The following GRM8 variants were observed in gnomAD, a reference collection of about 807,000 sequenced individuals.
The protein encoded by GRM8 is metabotropic glutamate receptor 8.
Under a neutral mutation model 87.2 loss-of-function variants are expected in GRM8, and 47 were observed. That is an observed-to-expected ratio of 0.54 (90% CI 0.43 to 0.69). The LOEUF (loss-of-function observed/expected upper bound fraction) is 0.69, where lower values mean the gene tolerates loss of function less well. Among genes scored for constraint, GRM8 ranks in the 30% least tolerant of loss-of-function variants. The pLI, the probability that GRM8 is intolerant of heterozygous loss-of-function variation, is 0.00. For missense variants in GRM8, 1,019 were observed against 1,139.2 expected (o/e 0.89, Z 1.52); for synonymous variants, 396 against 404.5 (o/e 0.98, Z 0.25).
At chr7:126,716,992 T>A (rs924031816) in intron 7 of GRM8, among the ~76,000 whole-genome samples, 1 of 152,090 alleles carries the variant, frequency 6.6e-6, no homozygotes, top group African/African-American at 2.4e-5. Context: ...AGGAACTACA[T>A]GAAAGATGAT....
intron 6 of GRM8, among the ~76,000 whole-genome samples, chr7:126,861,032 G>T (rs1798094413): frequency 6.6e-6 from 1 of 152,048 alleles, no homozygotes; most frequent in Non-Finnish European, 1.5e-5. Context: ...TTCCTCTGTG[G>T]CCTTCAGCCA....
chr7:126,636,219 A>G (rs1454263290), intron 7 of GRM8, among the ~76,000 whole-genome samples: 2 of 152,110 alleles, frequency 1.3e-5, no homozygotes, highest in Non-Finnish European at 2.9e-5. Context: ...AAACTTATAT[A>G]AAATACATAT....
At chr7:126,442,650 A>T (rs1016302879) in intron 10 of GRM8, among the ~76,000 whole-genome samples, 1 of 152,036 alleles carries the variant, frequency 6.6e-6, no homozygotes, top group African/African-American at 2.4e-5. Context: ...TTTTCAGAAG[A>T]TGTCCATTCA....
At chr7:126,660,216 T>C (rs148982011) in intron 7 of GRM8, among the ~76,000 whole-genome samples, 3 of 152,312 alleles carry the variant, frequency 2.0e-5, no homozygotes, top group Non-Finnish European at 4.4e-5. Context: ...GACCTTAATC[T>C]TATGATCTAT....
intron 6 of GRM8, among the ~76,000 whole-genome samples, chr7:126,835,965 A>T (rs1389166845): frequency 1.3e-5 from 2 of 152,238 alleles, no homozygotes; most frequent in East Asian, 3.8e-4. Context: ...TGAGAATGGA[A>T]GTAAGAGAAA....
rs1946111 is a variant in GRM8, at chr7:126,561,905, G to T, written c.1495-28018C>A. ...GGTTTTTTTGTCCTTGCGATAGTTCGCTGAGAATGAGTTCATGTCCTTTGT... is the reference window on the plus strand; with the variant it reads ...GGTTTTTTTGTCCTTGCGATAGTTCTCTGAGAATGAGTTCATGTCCTTTGT... On this transcript the variant is annotated intron_variant, in intron 8 of 10. Transcript: ENST00000339582. 4.6e-5 allele frequency among the ~76,000 whole-genome samples: 7 copies of T among 150,886 alleles called. No homozygotes were observed. The East Asian group carries it at 9.8e-4, about 21-fold the overall frequency.
Position 127,247,665 on chromosome 7 carries a change from T to C in GRM8, c.-311-4150A>G, listed in dbSNP as rs28952009. Among the ~76,000 whole-genome samples the C allele has an allele frequency of 3.3e-5, 5 of 152,280 alleles. No homozygotes were observed. In the East Asian group the frequency reaches 9.7e-4, roughly 29 times the overall value. On this transcript the variant is annotated intron_variant, in intron 1 of 10. Transcript: ENST00000339582. ...TTGGAATCGGATCTTTGTCTGACAG[T>C]CACTGGCTGGTAACACTGAACATGT...
intron 6 of GRM8, among the ~76,000 whole-genome samples, chr7:126,819,156 C>A (rs1048401676): frequency 6.6e-6 from 1 of 152,188 alleles, no homozygotes; most frequent in Non-Finnish European, 1.5e-5. Context: ...CTTTGGATGG[C>A]AAACAAGCAA....
At chr7:126,586,942 G>A (rs558521403) in intron 8 of GRM8, among the ~76,000 whole-genome samples, 34 of 152,122 alleles carry the variant, frequency 2.2e-4, no homozygotes, top group Non-Finnish European at 4.1e-4. Flanking sequence ...CTGACAAAGG[G>A]CTAATATCCA....
At position 127,098,104 on chromosome 7, in the gene GRM8, C is replaced by T. The variant is rs75808461; in HGVS notation, c.727+8392G>A. Among the ~76,000 whole-genome samples the T allele has an allele frequency of 7.5e-4, 114 of 152,306 alleles. 1 individual carries two copies. The Middle Eastern group carries it at 0.01, about 14-fold the overall frequency. On this transcript the variant is annotated intron_variant, in intron 3 of 10. Transcript: ENST00000339582. ...TCACTGTACCTGCAGTTCCAATTTG[C>T]AATTTCCTCAGCCCTCCTTTGAAGT...
At chr7:126,958,950 C>A (rs1359982426) in intron 3 of GRM8, among the ~76,000 whole-genome samples, 1 of 152,168 alleles carries the variant, frequency 6.6e-6, no homozygotes, top group East Asian at 1.9e-4. Context: ...GGGGTTGTAA[C>A]CATCACAAAG....
At chr7:126,595,418 ATT>A (rs771970946) in intron 8 of GRM8, among the ~76,000 whole-genome samples, 3 of 67,440 alleles carry the variant, frequency 4.4e-5, no homozygotes, top group Non-Finnish European at 9.1e-5. Flanking sequence ...ATTTTATTTT[ATT>A]TTATTTTATT....
At chr7:126,840,361 T>C (rs1796162529) in intron 6 of GRM8, among the ~76,000 whole-genome samples, 1 of 152,212 alleles carries the variant, frequency 6.6e-6, no homozygotes, top group Non-Finnish European at 1.5e-5. Context: ...TGGATACTAC[T>C]ATTTATCCTT....
intron 6 of GRM8, among the ~76,000 whole-genome samples, chr7:126,851,485 A>G (rs917490497): frequency 6.6e-6 from 1 of 152,160 alleles, no homozygotes; most frequent in Non-Finnish European, 1.5e-5. Flanking sequence ...GAGCCTTTCT[A>G]TGATGTGCTT....
intron 7 of GRM8, among the ~76,000 whole-genome samples, chr7:126,655,584 T>G (rs1480637382): frequency 6.6e-6 from 1 of 152,204 alleles, no homozygotes; most frequent in African/African-American, 2.4e-5. Flanking sequence ...TACTGGTCAT[T>G]CATCTTAAAC....
chr7:126,737,247 T>G (rs1814339389), intron 7 of GRM8, among the ~76,000 whole-genome samples: 1 of 152,006 alleles, frequency 6.6e-6, no homozygotes, highest in African/African-American at 2.4e-5. Context: ...ATAGATCAGC[T>G]GGCACCACCC....
intron 7 of GRM8, among the ~76,000 whole-genome samples, chr7:126,767,559 G>A (rs1370319288): frequency 6.6e-6 from 1 of 152,032 alleles, no homozygotes; most frequent in East Asian, 1.9e-4. Flanking sequence ...TGCTTTGACT[G>A]CTTAAGAAGC....
At chr7:127,234,064 G>A (rs1385706081) in intron 2 of GRM8, among the ~76,000 whole-genome samples, 1 of 152,158 alleles carries the variant, frequency 6.6e-6, no homozygotes, top group Non-Finnish European at 1.5e-5. Flanking sequence ...CCCACTGTGG[G>A]GAAGCAAGGG....
At chr7:126,965,279 T>G (rs533778173) in intron 3 of GRM8, among the ~76,000 whole-genome samples, 1 of 152,184 alleles carries the variant, frequency 6.6e-6, no homozygotes, top group East Asian at 1.9e-4. Context: ...CTGCACATTC[T>G]GCACATGTAC....
Sources: allele counts gnomAD v4.1 joint callset (sites outside exome capture counted in the v4.1 genomes callset), GRCh38; gene constraint gnomAD v4.1.1; transcripts MANE v1.5; gene names NCBI Gene and HGNC (gene_info 2026-07-23, HGNC 2026-07-21).